Variants in DST observed in about 807,000 individuals in gnomAD.
The protein encoded by DST is dystonin.
Under a neutral mutation model 875.2 loss-of-function variants are expected in DST, and 253 were observed. The observed-to-expected ratio is 0.29, with a 90% CI of 0.26 to 0.32. The LOEUF (loss-of-function observed/expected upper bound fraction) is 0.32, where lower values mean the gene tolerates loss of function less well. DST is among the 10% of genes least tolerant of loss of function. DST has a pLI of 1.00. For missense variants in DST, 8,287 were observed against 9,111.6 expected (o/e 0.91, Z 3.68); for synonymous variants, 3,124 against 3,197.1 (o/e 0.98, Z 0.77).
chr6:56,692,905 T>G (rs1554632969), intron 9 of DST: 1 of 1,289,840 alleles, frequency 7.8e-7, no homozygotes, highest in South Asian at 1.2e-5. Context: ...AACAGATTCC[T>G]GCTGTACCAG....
intron 61 of DST, 48 bp from the exon 62 acceptor site, chr6:56,536,988 C>T (rs771582350): frequency 3.4e-5 from 51 of 1,521,342 alleles, no homozygotes; most frequent in South Asian, 1.0e-4. Context: ...ACCTATCAAC[C>T]GCCAAATATA....
rs766833519 is a variant in DST at position 56,602,867 on chromosome 6, T to A, written c.11307+15A>T. ...TTTTTGAAATATATTTTGTCATCTT[T>A]GTTTTGATACTTGCCTTGAGAAACT... is the stretch of plus-strand genomic sequence containing the variant. On this transcript the variant is annotated intron_variant, in intron 43 of 103. Coordinates refer to ENST00000680361, the MANE Select transcript of DST (RefSeq NM_001374736.1). 1 of 1,485,626 alleles carries A rather than the reference T, an allele frequency of 6.7e-7. No individual in the cohort carries two copies. Among genetic ancestry groups the A allele is most frequent in the Non-Finnish European group, 8.9e-7 (1 of 1,122,290 alleles). 92.0% of individuals were successfully genotyped at this position (1,485,626 alleles called of 1,614,324 possible).
In DST at chr6:56,562,218, C is replaced by T. The variant is rs749680895; in HGVS notation, c.14006-18G>A. On this transcript the variant is annotated intron_variant, in intron 55 of 103. Transcript: ENST00000680361. The stretch of plus-strand genomic sequence containing the variant: ...TGCTCCACCTGCAAAAATAGTAACA[C>T]TAAAATAATCACAGTTTCATAGTAT... 1.1e-5 allele frequency: 17 copies of T among 1,497,690 alleles called. No homozygotes were observed. Among genetic ancestry groups the T allele is most frequent in the East Asian group, 2.5e-5 (1 of 39,898 alleles). The allele number at this position is 1,497,690 out of a possible 1,614,324, so 92.8% of individuals were successfully genotyped here.
chr6:56,648,203 C>T (rs2098955119), intron 13 of DST, among the ~76,000 whole-genome samples: 2 of 152,002 alleles, frequency 1.3e-5, no homozygotes, highest in East Asian at 1.9e-4. Context: ...CAGGCACACC[C>T]CCAATCCAGT....
intron 66 of DST, 137 bp from the exon 67 acceptor site, chr6:56,529,062 A>C (rs1241472696): frequency 5.8e-6 from 4 of 685,348 alleles, no homozygotes; most frequent in African/African-American, 1.8e-5. Flanking sequence ...AAATGTTCTT[A>C]TTGTTCCCAT....
At chr6:56,832,616 CA>C (rs34510405) in intron 4 of DST, among the ~76,000 whole-genome samples, 33,250 of 131,896 alleles carry the variant, frequency 0.25, 4,325 homozygotes, top group African/African-American at 0.41. Flanking sequence ...AATAACACTG[CA>C]AAAAAAAAAA....
chr6:56,920,895 ATTTTTT>A (rs35394550), intron 2 of DST, among the ~76,000 whole-genome samples: 4,115 of 59,600 alleles, frequency 0.069, 187 homozygotes, highest in East Asian at 0.26. Context: ...CGCCCAGCTA[ATTTTTT>A]TTTTTTTTTT....
rs529189680 is a variant in DST at position 56,939,762 on chromosome 6, C to T, written c.216+14023G>A. Among the ~76,000 whole-genome samples the T allele has an allele frequency of 9.2e-5, 14 of 152,124 alleles. No homozygotes were observed. The East Asian group carries it at 1.2e-3, about 13-fold the overall frequency. ...ATAAGCAGCCGGGCGTGGTGGCTCA[C>T]GCCTGTAATCCCAGCACTTTGGGAG... On this transcript the variant is annotated intron_variant, in intron 2 of 103. Transcript: ENST00000680361.
intron 3 of DST, among the ~76,000 whole-genome samples, chr6:56,879,954 C>T (rs539268492): frequency 1.7e-4 from 26 of 152,348 alleles, no homozygotes; most frequent in African/African-American, 4.8e-4. Flanking sequence ...TAAACTGGGC[C>T]TAGCCCATTA....
intron 10 of DST, 68 bp from the exon 11 acceptor site, chr6:56,651,312 G>T (rs989148091): frequency 2.3e-5 from 22 of 947,050 alleles, no homozygotes; most frequent in Non-Finnish European, 3.1e-5. Flanking sequence ...TAATTATATA[G>T]GTTTCCATTT....
intron 3 of DST, among the ~76,000 whole-genome samples, chr6:56,852,955 C>T (rs1428586086): frequency 1.3e-5 from 2 of 152,216 alleles, no homozygotes; most frequent in Non-Finnish European, 2.9e-5. Context: ...ACTCTAATTG[C>T]ATCAGGACTA....
chr6:56,593,453 G>A (rs1247403493), intron 48 of DST, among the ~76,000 whole-genome samples: 9 of 145,184 alleles, frequency 6.2e-5, no homozygotes, highest in Non-Finnish European at 1.3e-4. Context: ...GGAGGCAGAG[G>A]TTGCAGTGAG....
chr6:56,719,857 G>C (rs1259358809), intron 5 of DST, among the ~76,000 whole-genome samples: 1 of 152,206 alleles, frequency 6.6e-6, no homozygotes, highest in African/African-American at 2.4e-5. Context: ...GTGTACGATA[G>C]GGTGTGGGTC....
chr6:56,587,535 C>A (rs1425412503), intron 49 of DST, among the ~76,000 whole-genome samples: 4 of 152,070 alleles, frequency 2.6e-5, no homozygotes, highest in Non-Finnish European at 5.9e-5. Context: ...GGCAGGCCAA[C>A]ATTCAGATTC....
chr6:56,533,789 A>T (rs1000932682), intron 63 of DST, among the ~76,000 whole-genome samples: 1 of 152,168 alleles, frequency 6.6e-6, no homozygotes, highest in African/African-American at 2.4e-5. Flanking sequence ...TTACCTCTAA[A>T]TCTATTTCTA....
chr6:56,491,884 A>G (rs1057166231), intron 85 of DST, among the ~76,000 whole-genome samples: 1 of 152,222 alleles, frequency 6.6e-6, no homozygotes, highest in Non-Finnish European at 1.5e-5. Flanking sequence ...CACTCTGATT[A>G]TGAGAACAGA....
chr6:56,532,628 T>C (rs2096916466), intron 63 of DST, 118 bp from the exon 64 acceptor site: 1 of 921,034 alleles, frequency 1.1e-6, no homozygotes, highest in Non-Finnish European at 1.6e-6. Flanking sequence ...TATGCACATA[T>C]GAAAGGATCT....
rs142819338 is a variant in DST at position 56,540,097 on chromosome 6, TTTG to T, written c.16609-3160_16609-3158del. Among the ~76,000 whole-genome samples the T allele has an allele frequency of 7.4e-4, 112 of 152,336 alleles. 2 individuals are homozygous for T. The East Asian group carries it at 0.016, about 22-fold the overall frequency. The stretch of plus-strand genomic sequence containing the variant: ...TCTTCTCCAAAACAGTCCCTATTAA[TTTG>T]TTATAATTATCCATTTATCAATATG... On this transcript the variant is annotated intron_variant, in intron 61 of 103. Coordinates refer to ENST00000680361, the MANE Select transcript of DST (RefSeq NM_001374736.1).
At chr6:56,685,800 T>C (rs1440028523) in intron 9 of DST, among the ~76,000 whole-genome samples, 1 of 152,072 alleles carries the variant, frequency 6.6e-6, no homozygotes, top group Non-Finnish European at 1.5e-5. Flanking sequence ...TAACACAGGT[T>C]GGTGCGGTTG....
Sources: allele counts gnomAD v4.1 joint callset (sites outside exome capture counted in the v4.1 genomes callset), GRCh38; gene constraint gnomAD v4.1.1; transcripts MANE v1.5; gene names NCBI Gene and HGNC (gene_info 2026-07-23, HGNC 2026-07-21).